Variants in TENM3 observed in about 807,000 individuals in gnomAD.
TENM3 encodes the protein teneurin-3.
A neutral mutation model predicts 255.1 loss-of-function variants in TENM3; 63 were observed. The ratio of observed to expected loss-of-function variants is 0.25; its 90% CI spans 0.20 to 0.30. The LOEUF (loss-of-function observed/expected upper bound fraction) is 0.30. Ranked by LOEUF, TENM3 falls within the 10% of genes least tolerant of loss-of-function variation. The pLI, the probability that TENM3 is intolerant of heterozygous loss-of-function variation, is 1.00. For missense variants in TENM3, 2,929 were observed against 3,461.1 expected, an observed-to-expected ratio of 0.85 and a Z score of 3.86; for synonymous variants, 1,306 against 1,322.3, an observed-to-expected ratio of 0.99 and a Z score of 0.27.
At chr4:182,470,415 C>T (rs1733007981) in intron 3 of TENM3, among the ~76,000 whole-genome samples, 1 of 152,180 alleles carries the variant, frequency 6.6e-6, no homozygotes, top group East Asian at 1.9e-4. Flanking sequence ...AATTCTTGTT[C>T]TCAATTCTAG....
chr4:181,614,785 G>T, the TENM3 span, among the ~76,000 whole-genome samples: 1 of 152,232 alleles, frequency 6.6e-6, no homozygotes, highest in Non-Finnish European at 1.5e-5. Flanking sequence ...GCATAGCCCA[G>T]TAGGAATTAA....
At chr4:181,597,693 C>T in the TENM3 span, among the ~76,000 whole-genome samples, 17 of 151,726 alleles carry the variant, frequency 1.1e-4, no homozygotes, top group African/African-American at 3.1e-4. Flanking sequence ...TCAGAGTTCC[C>T]GTTGTTTTGA....
At chr4:181,829,388 G>T in the TENM3 span, among the ~76,000 whole-genome samples, 1 of 152,186 alleles carries the variant, frequency 6.6e-6, no homozygotes, top group Non-Finnish European at 1.5e-5. Context: ...ATATATTGAT[G>T]GGGCTAAATA....
intron 3 of TENM3, among the ~76,000 whole-genome samples, chr4:182,420,978 A>G (rs188215894): frequency 2.7e-4 from 41 of 152,328 alleles, no homozygotes; most frequent in Admixed American, 1.8e-3. Context: ...GCAAAGAAAA[A>G]AAAAGTCAAA....
At chr4:182,652,467 A>G (rs1753398474) in intron 5 of TENM3, among the ~76,000 whole-genome samples, 1 of 152,236 alleles carries the variant, frequency 6.6e-6, no homozygotes, top group South Asian at 2.1e-4. Flanking sequence ...TGCCCTGTCT[A>G]GAATCTTCTG....
At chr4:181,627,971 T>A in the TENM3 span, among the ~76,000 whole-genome samples, 1 of 152,218 alleles carries the variant, frequency 6.6e-6, no homozygotes, top group African/African-American at 2.4e-5. Context: ...AAAGTGTTCC[T>A]ATTTCTCCAC....
At chr4:182,537,084 AG>A (rs963355305) in intron 3 of TENM3, among the ~76,000 whole-genome samples, 6 of 152,194 alleles carry the variant, frequency 3.9e-5, no homozygotes, top group Non-Finnish European at 7.3e-5. Flanking sequence ...AAGGATTTCA[AG>A]GAAGTACAGT....
At chr4:182,066,917 A>G in the TENM3 span, among the ~76,000 whole-genome samples, 3 of 152,116 alleles carry the variant, frequency 2.0e-5, no homozygotes, top group Admixed American at 1.3e-4. Context: ...TCTCAAATAT[A>G]TATATATAAG....
chr4:182,092,009 G>A, the TENM3 span, among the ~76,000 whole-genome samples: 1 of 152,158 alleles, frequency 6.6e-6, no homozygotes, highest in East Asian at 1.9e-4. Context: ...AGTTGGGAGA[G>A]TTAGATTACT....
chr4:181,991,511 G>C, the TENM3 span, among the ~76,000 whole-genome samples: 1 of 152,086 alleles, frequency 6.6e-6, no homozygotes, highest in East Asian at 1.9e-4. Context: ...TTAAGTAATT[G>C]ATTTGAACCC....
intron 1 of TENM3, among the ~76,000 whole-genome samples, chr4:182,289,969 G>A (rs2150318131): frequency 6.6e-6 from 1 of 152,184 alleles, no homozygotes; most frequent in African/African-American, 2.4e-5. Flanking sequence ...TCATTCCTCT[G>A]TCTGGGACCC....
At chr4:181,470,108 T>TAAAAAAAAAAAAAAAAAAAAAAA in the TENM3 span, among the ~76,000 whole-genome samples, 18 of 112,736 alleles carry the variant, frequency 1.6e-4, no homozygotes, top group African/African-American at 5.5e-4. Context: ...ATAGCTTCTG[T>TAAAAAAAAAAAAAAAAAAAAAAA]AAAAAAAAAA....
chr4:181,858,648 C>T, the TENM3 span, among the ~76,000 whole-genome samples: 1 of 152,122 alleles, frequency 6.6e-6, no homozygotes, highest in Admixed American at 6.5e-5. Context: ...TCCAGACCAG[C>T]GCTGAAGGAT....
At chr4:182,437,474 C>T (rs991075378) in intron 3 of TENM3, among the ~76,000 whole-genome samples, 5 of 127,520 alleles carry the variant, frequency 3.9e-5, no homozygotes, top group African/African-American at 1.5e-4. Flanking sequence ...CATGGCAAAA[C>T]CTTGTCTCTA....
chr4:181,873,333 T>A, the TENM3 span, among the ~76,000 whole-genome samples: 1 of 152,170 alleles, frequency 6.6e-6, no homozygotes, highest in Admixed American at 6.5e-5. Context: ...CCTCCCAGAG[T>A]GCTGGGGTAA....
the TENM3 span, among the ~76,000 whole-genome samples, chr4:181,564,562 G>A: frequency 6.6e-6 from 1 of 152,054 alleles, no homozygotes. Flanking sequence ...GTACAAGCTC[G>A]CCATTAAACA....
At chr4:182,511,764 A>G (rs1030899282) in intron 3 of TENM3, among the ~76,000 whole-genome samples, 1 of 152,198 alleles carries the variant, frequency 6.6e-6, no homozygotes, top group African/African-American at 2.4e-5. Context: ...GCCTTAAAAG[A>G]TAAAATTAGG....
the TENM3 span, among the ~76,000 whole-genome samples, chr4:182,123,081 A>G: frequency 6.6e-6 from 1 of 152,176 alleles, no homozygotes; most frequent in African/African-American, 2.4e-5. Context: ...CAGCCTTCTT[A>G]GAATTGAAGA....
At chr4:182,267,706 A>G (rs935928989) in intron 1 of TENM3, among the ~76,000 whole-genome samples, 23 of 145,786 alleles carry the variant, frequency 1.6e-4, no homozygotes, top group Non-Finnish European at 2.7e-4. Context: ...AGTTCCATCA[A>G]AGCCAATTTA....
Sources: allele counts gnomAD v4.1 joint callset (sites outside exome capture counted in the v4.1 genomes callset), GRCh38; gene constraint gnomAD v4.1.1; transcripts MANE v1.5; gene names NCBI Gene and HGNC (gene_info 2026-07-23, HGNC 2026-07-21).